The following ZER1 variants were observed in gnomAD, a reference collection of about 807,000 sequenced individuals.
ZER1 encodes the protein zyg-11 related cell cycle regulator.
In ZER1, 11 loss-of-function variants were observed where a neutral mutation model predicts 78.8. The ratio of observed to expected loss-of-function variants is 0.14; its 90% confidence interval spans 0.09 to 0.23. The LOEUF is 0.23. ZER1 is among the 10% of genes least tolerant of loss of function. The pLI, the probability that ZER1 is intolerant of heterozygous loss-of-function variation, is 1.00. For synonymous variants in ZER1, 400 were observed against 407.0 expected (o/e 0.98, Z 0.21); for missense variants, 588 against 996.9 (o/e 0.59, Z 5.52).
Position 128,755,534 on chromosome 9 carries a change from G to A in ZER1, c.32C>T (p.Ala11Val), listed in dbSNP as rs949267374. The change falls in exon 2 of 16, where the codon GCC becomes GTC. Residue 11 changes from alanine to valine, a missense_variant. Ala to Val is a moderately conservative substitution (Grantham distance 64). Around this residue, in one of 3 missense-constraint regions of ZER1, gnomAD observed 406 missense variants for 660.1 expected, o/e 0.62. Coordinates refer to ENST00000291900, the MANE Select transcript of ZER1 (RefSeq NM_006336.4). This position sits in a 1 kb window ranked among gnomAD's most constrained non-coding sequence, Gnocchi z 5.6. MASDTPESLM[A>V]LCTDFCLRNL... ...GCGCAAGCAGAAGTCAGTACAGAGGGCCATCAGCGACTCGGGAGTGTCGGA... is the reference window on the plus strand; with the variant it reads ...GCGCAAGCAGAAGTCAGTACAGAGGACCATCAGCGACTCGGGAGTGTCGGA... 1.1e-5 allele frequency: 17 copies of A among 1,613,606 alleles called. No homozygotes were observed. Among genetic ancestry groups the A allele is most frequent in the Non-Finnish European group, 1.4e-5 (16 of 1,179,654 alleles).
Position 128,729,835 on chromosome 9 carries a change from C to T in ZER1, c.*1502G>A, listed in dbSNP as rs1862748583. The T allele has an allele frequency of 6.5e-6, 1 of 152,740 alleles. No homozygotes were observed. The highest frequency in any genetic ancestry group is 2.4e-5 in the African/African-American group (1 of 41,476). 9.5% of individuals were successfully genotyped at this position (152,740 alleles called of 1,614,324 possible). On this transcript the variant is annotated 3_prime_UTR_variant, in exon 16 of 16. Coordinates refer to ENST00000291900, the MANE Select transcript of ZER1 (RefSeq NM_006336.4). ...TTTCTGTGACTTCCCAAAGTACAGA[C>T]ATTTCCCCAGGCCCCAGGGGGTAAA...
chr9:128,755,714 T>C lies in ZER1; in HGVS notation c.-94-55A>G. On this transcript the variant is annotated intron_variant, in intron 1 of 15. Transcript: ENST00000291900. This position sits in a 1 kb window ranked among gnomAD's most constrained non-coding sequence, Gnocchi z 5.6. Reference sequence around the variant, plus strand: ...CACACACAAGGGCTAGAACTATCAGTGGTCCCATGTCCACGCTCTGAGTAG... The same window carrying C: ...CACACACAAGGGCTAGAACTATCAGCGGTCCCATGTCCACGCTCTGAGTAG... 2.0e-6 allele frequency: 2 copies of C among 1,025,338 alleles called. No individual in the cohort carries two copies. Among genetic ancestry groups the C allele is most frequent in the South Asian group, 1.7e-5 (1 of 59,822 alleles). 63.5% of individuals were successfully genotyped at this position (1,025,338 alleles called of 1,614,324 possible).
chr9:128,757,619 A>G (rs985120349), intron 1 of ZER1, among the ~76,000 whole-genome samples: 3 of 152,166 alleles, frequency 2.0e-5, no homozygotes, highest in Non-Finnish European at 4.4e-5. Flanking sequence ...CTTCTTTACT[A>G]TTAGGGAAGT....
At position 128,753,745 on chromosome 9, in the gene ZER1, A is replaced by ATGGCTGGGCTGGGGATGGCTGGGCT; in HGVS notation, c.309+63_309+64insAGCCCAGCCATCCCCAGCCCAGCCA. 1 of 1,567,818 alleles carries ATGGCTGGGCTGGGGATGGCTGGGCT rather than the reference A, an allele frequency of 6.4e-7. No homozygotes were observed. ...GCTGGGCTGGGGATGGCTGGGCTGG[A>ATGGCTGGGCTGGGGATGGCTGGGCT]GGCGAGCAGCCTGGCCCCTGCTTGG... On this transcript the variant is annotated intron_variant, in intron 3 of 15. Transcript: ENST00000291900. The surrounding 1 kb of genome is among the most constrained non-coding windows in gnomAD (Gnocchi z 7.5).
intron 1 of ZER1, among the ~76,000 whole-genome samples, chr9:128,758,171 G>A (rs1398368284): frequency 6.7e-6 from 1 of 149,504 alleles, no homozygotes; most frequent in Non-Finnish European, 1.5e-5. Flanking sequence ...TCAGGCTGGA[G>A]TGCAGTGGCA....
Position 128,755,688 on chromosome 9 carries a change from C to A in ZER1, c.-94-29G>T. On this transcript the variant is annotated intron_variant, in intron 1 of 15. Transcript: ENST00000291900. The surrounding 1 kb of genome is among the most constrained non-coding windows in gnomAD (Gnocchi z 5.6). ...GGGAGTGGACAAGATGCCAAGTGAGCCACACACAAGGGCTAGAACTATCAG... is the reference window on the plus strand; with the variant it reads ...GGGAGTGGACAAGATGCCAAGTGAGACACACACAAGGGCTAGAACTATCAG... 2.3e-6 allele frequency: 3 copies of A among 1,295,212 alleles called. No individual in the cohort carries two copies. Among genetic ancestry groups the A allele is most frequent in the Non-Finnish European group, 3.2e-6 (3 of 943,314 alleles). 80.2% of individuals were successfully genotyped at this position (1,295,212 alleles called of 1,614,324 possible). A position where few individuals can be genotyped will look rare whatever the true frequency, so the allele number is the denominator to read the frequency against.
At position 128,753,709 on chromosome 9, in the gene ZER1, G is replaced by T. The variant is rs1214998666; in HGVS notation, c.309+100C>A. The stretch of plus-strand genomic sequence containing the variant: ...TGGAAAGGGGGATGTGCACAGTCAC[G>T]GTGCACACTGGCTGGGCTGGGGATG... On this transcript the variant is annotated intron_variant, in intron 3 of 15. Coordinates refer to ENST00000291900, the MANE Select transcript of ZER1 (RefSeq NM_006336.4). The surrounding 1 kb of genome is among the most constrained non-coding windows in gnomAD (Gnocchi z 7.5). 1.9e-6 allele frequency: 3 copies of T among 1,557,636 alleles called. No homozygotes were observed. The highest frequency in any genetic ancestry group is 1.2e-5 in the South Asian group (1 of 83,442).
chr9:128,762,655 T>G (rs1864086448), intron 1 of ZER1, among the ~76,000 whole-genome samples: 1 of 152,192 alleles, frequency 6.6e-6, no homozygotes, highest in Non-Finnish European at 1.5e-5. Context: ...TATGTTGTTG[T>G]TATAATCATT....
intron 8 of ZER1, among the ~76,000 whole-genome samples, chr9:128,745,044 CAT>C (rs1464650361): frequency 2.6e-5 from 4 of 152,140 alleles, no homozygotes; most frequent in African/African-American, 9.7e-5. Flanking sequence ...ACAAGATGTA[CAT>C]GTCTTCAACC....
chr9:128,750,060 G>A (rs1375455129), intron 8 of ZER1, among the ~76,000 whole-genome samples: 1 of 152,112 alleles, frequency 6.6e-6, no homozygotes, highest in Non-Finnish European at 1.5e-5. Flanking sequence ...GAAAAAAATT[G>A]TTGGCGGATA....
At position 128,752,866 on chromosome 9, in the gene ZER1, G is replaced by C. The variant is rs764868355; in HGVS notation, c.747-17C>G. 101 of 1,610,152 alleles carry C rather than the reference G, an allele frequency of 6.3e-5. No individual in the cohort carries two copies. Among genetic ancestry groups the C allele is most frequent in the East Asian group, 6.0e-4 (27 of 44,894 alleles). On this transcript the variant is annotated splice_polypyrimidine_tract_variant and intron_variant, in intron 4 of 15. Transcript: ENST00000291900. ...TCCAGGTGTCTGAAGATTGGGGTAG[G>C]GGGTGCAGGTTAGGAGCTGGGTACA... is the stretch of plus-strand genomic sequence containing the variant.
In ZER1 at chr9:128,753,401, G is replaced by T; in HGVS notation, c.509C>A (p.Thr170Asn). 6.2e-7 allele frequency: 1 copy of T among 1,614,148 alleles called. No individual in the cohort carries two copies. The highest frequency in any genetic ancestry group is 8.5e-7 in the Non-Finnish European group (1 of 1,180,010). ...PTCQVLVKDF[T>N]FEGFSRLRFL... ...GCGGAGGCGGCTGAAGCCCTCGAAG[G>T]TGAAATCCTTAACCAGCACCTGGCA... Residue 170 changes from threonine to asparagine, a missense_variant, in exon 4 of 16, where the codon ACC becomes AAC. Thr to Asn is a moderately conservative substitution (Grantham distance 65, BLOSUM62 0). This residue lies in a region of ZER1 where 406 missense variants were observed against 660.1 expected (regional missense o/e 0.62). Coordinates refer to ENST00000291900, the MANE Select transcript of ZER1 (RefSeq NM_006336.4). This position sits in a 1 kb window ranked among gnomAD's most constrained non-coding sequence, Gnocchi z 7.5.
chr9:128,768,597 A>G (rs1028687947), intron 1 of ZER1, among the ~76,000 whole-genome samples: 5 of 152,144 alleles, frequency 3.3e-5, no homozygotes, highest in South Asian at 4.1e-4. Context: ...GCCTACCCCA[A>G]CATGCTGGCT....
chr9:128,753,722 T>C lies in ZER1; in HGVS notation c.309+87A>G. The C allele has an allele frequency of 6.4e-7, 1 of 1,561,872 alleles. No individual in the cohort carries two copies. The highest frequency in any genetic ancestry group is 2.3e-5 in the East Asian group (1 of 43,906). Reference sequence around the variant, plus strand: ...GTGCACAGTCACGGTGCACACTGGCTGGGCTGGGGATGGCTGGGCTGGAGG... The same window carrying C: ...GTGCACAGTCACGGTGCACACTGGCCGGGCTGGGGATGGCTGGGCTGGAGG... On this transcript the variant is annotated intron_variant, in intron 3 of 15. Transcript: ENST00000291900. This position sits in a 1 kb window ranked among gnomAD's most constrained non-coding sequence, Gnocchi z 7.5.
At chr9:128,756,139 C>T (rs1863850941) in intron 1 of ZER1, among the ~76,000 whole-genome samples, 2 of 152,188 alleles carry the variant, frequency 1.3e-5, no homozygotes, top group Non-Finnish European at 2.9e-5. Flanking sequence ...GCAATGAAAA[C>T]ATATGTCCAC....
intron 5 of ZER1, among the ~76,000 whole-genome samples, 198 bp downstream of exon 5, chr9:128,752,475 C>G (rs562119170): frequency 7.2e-5 from 11 of 152,310 alleles, no homozygotes; most frequent in Admixed American, 7.2e-4. Flanking sequence ...TGTCTGCCAC[C>G]ATGTCCAGCT....
intron 1 of ZER1, among the ~76,000 whole-genome samples, chr9:128,769,885 G>C (rs762949316): frequency 6.6e-6 from 1 of 152,090 alleles, no homozygotes. Flanking sequence ...ACTTACAACC[G>C]AAGCCCCAAG....
intron 1 of ZER1, among the ~76,000 whole-genome samples, chr9:128,764,676 C>G (rs78348123): frequency 0.034 from 5,140 of 152,266 alleles, 99 homozygotes; most frequent in Middle Eastern, 0.075. Context: ...TGAGACCCAT[C>G]CAGCTGCGGG....
intron 1 of ZER1, among the ~76,000 whole-genome samples, chr9:128,758,939 C>T (rs1210837267): frequency 1.3e-5 from 2 of 151,752 alleles, no homozygotes; most frequent in Non-Finnish European, 2.9e-5. Context: ...TATCCAGGCT[C>T]GCTTACTGTG....
Sources: allele counts gnomAD v4.1 joint callset (sites outside exome capture counted in the v4.1 genomes callset), GRCh38; gene constraint gnomAD v4.1.1; regional missense constraint gnomAD v4.1.1; non-coding constraint Gnocchi (gnomAD v3.1); transcripts MANE v1.5; gene names NCBI Gene and HGNC (gene_info 2026-07-23, HGNC 2026-07-21).